ARPC5: variants seen among roughly 807,000 people sequenced by gnomAD.
The protein encoded by ARPC5 is actin-related protein 2/3 complex subunit 5.
A neutral mutation model predicts 15.4 loss-of-function variants in ARPC5; 5 were observed. The observed-to-expected ratio is 0.32, with a 90% CI of 0.17 to 0.68. The LOEUF (loss-of-function observed/expected upper bound fraction) is 0.68, where lower values mean the gene tolerates loss of function less well. ARPC5 is among the 30% of genes least tolerant of loss of function. The pLI, the probability that ARPC5 is intolerant of heterozygous loss-of-function variation, is 0.71. For synonymous variants in ARPC5, 85 were observed against 72.2 expected, an observed-to-expected ratio of 1.18 and a Z score of -0.90; for missense variants, 138 against 192.8, an observed-to-expected ratio of 0.72 and a Z score of 1.68.
intron 1 of ARPC5, 60 bp downstream of exon 1, chr1:183,635,457 C>A: frequency 2.0e-6 from 3 of 1,529,818 alleles, no homozygotes; most frequent in Non-Finnish European, 2.6e-6. Context: ...GCTCCCGGGT[C>A]CCAGGAGAAG....
rs572916566 is a variant in ARPC5, at chr1:183,624,840, C to T, written c.*2692G>A. On this transcript the variant is annotated 3_prime_UTR_variant, in exon 4 of 4. Coordinates refer to ENST00000359856, the MANE Select transcript of ARPC5 (RefSeq NM_005717.4). ...ACTTCCCAATTAGGCTGAGAGCAAA[C>T]TGGTGAACAAGATTCAGACCTTATT... 2.6e-5 allele frequency: 4 copies of T among 152,284 alleles called. No individual in the cohort carries two copies. In the East Asian group the frequency reaches 7.7e-4, roughly 29 times the overall value. The allele number at this position is 152,284 out of a possible 1,614,324, so 9.4% of individuals were successfully genotyped here. A position where few individuals can be genotyped will look rare whatever the true frequency, so the allele number is the denominator to read the frequency against.
intron 1 of ARPC5, among the ~76,000 whole-genome samples, chr1:183,634,134 GA>G (rs1649348783): frequency 6.6e-6 from 1 of 152,180 alleles, no homozygotes; most frequent in Non-Finnish European, 1.5e-5. Context: ...ATGTTTTTAG[GA>G]AGCATGTTCA....
chr1:183,633,732 A>G (rs1396742362), intron 1 of ARPC5: 1 of 150,988 alleles, frequency 6.6e-6, no homozygotes, highest in East Asian at 1.9e-4. Flanking sequence ...TGGCAGCTTA[A>G]TTTTTTGCTT....
intron 3 of ARPC5, 92 bp downstream of exon 3, chr1:183,630,368 CA>C (rs1649226567): frequency 9.4e-7 from 1 of 1,059,754 alleles, no homozygotes; most frequent in Non-Finnish European, 1.3e-6. Flanking sequence ...AAATGTACAA[CA>C]AATCAAAATG....
Position 183,623,372 on chromosome 1 carries a change from C to G in ARPC5, c.*4160G>C. On this transcript the variant is annotated 3_prime_UTR_variant, in exon 4 of 4. Transcript: ENST00000359856. ...TGTCCCATGTTGCTTGTGGTTGGAT[C>G]ATCAATGTGGTGAAGTAGCACCACC... The G allele has an allele frequency of 6.5e-7, 1 of 1,534,030 alleles. No homozygotes were observed. The highest frequency in any genetic ancestry group is 8.8e-7 in the Non-Finnish European group (1 of 1,132,102).
intron 1 of ARPC5, 102 bp from the exon 2 acceptor site, chr1:183,633,256 T>C: frequency 1.3e-6 from 1 of 785,002 alleles, no homozygotes; most frequent in Non-Finnish European, 2.0e-6. Context: ...AAAATTACTT[T>C]GGTCACTATG....
At chr1:183,630,679 A>T (rs779485035) in intron 2 of ARPC5, 42 bp from the exon 3 acceptor site, 25 of 1,561,218 alleles carry the variant, frequency 1.6e-5, no homozygotes, top group Non-Finnish European at 2.1e-5. Context: ...ACATATCTGT[A>T]TGAGGAGGGT....
At position 183,630,619 on chromosome 1, in the gene ARPC5, C is replaced by G; in HGVS notation, c.235G>C (p.Val79Leu). The G allele has an allele frequency of 2.5e-6, 4 of 1,613,666 alleles. No homozygotes were observed. The highest frequency in any genetic ancestry group is 3.4e-6 in the Non-Finnish European group (4 of 1,179,840). The change falls in exon 3 of 4, where the codon GTC becomes CTC. Residue 79 changes from valine (V) to leucine (L), a missense_variant. By Grantham distance (32) the Val-to-Leu change is conservative. Around this residue, in one of 3 missense-constraint regions of ARPC5, gnomAD observed 121 missense variants for 153.7 expected, o/e 0.79. Coordinates refer to ENST00000359856, the MANE Select transcript of ARPC5 (RefSeq NM_005717.4). ...QAVKDRAGSI[V>L]LKVLISFKAN... Reference sequence around the variant, plus strand: ...TTAAAAGAGATGAGCACCTTCAAGACAATGCTGCCTGCCCGGTCCTGGTGG... The same window carrying G: ...TTAAAAGAGATGAGCACCTTCAAGAGAATGCTGCCTGCCCGGTCCTGGTGG...
chr1:183,623,985 T>C lies in ARPC5; in HGVS notation c.*3547A>G, dbSNP rs1459393619. On this transcript the variant is annotated 3_prime_UTR_variant, in exon 4 of 4. Transcript: ENST00000359856. ...CTGCAGTGAGCCGAGATTGTGCCATTGCACTCCAGCCTGAGCAACAGAGCA... is the reference window on the plus strand; with the variant it reads ...CTGCAGTGAGCCGAGATTGTGCCATCGCACTCCAGCCTGAGCAACAGAGCA... 1 of 168,198 alleles carries C rather than the reference T, an allele frequency of 5.9e-6. No individual in the cohort carries two copies. The allele number at this position is 168,198 out of a possible 1,614,324, so 10.4% of individuals were successfully genotyped here. A position where few individuals can be genotyped will look rare whatever the true frequency, so the allele number is the denominator to read the frequency against.
chr1:183,633,017 C>T, intron 2 of ARPC5, 65 bp downstream of exon 2: 1 of 1,230,142 alleles, frequency 8.1e-7, no homozygotes, highest in Non-Finnish European at 1.1e-6. Flanking sequence ...TTTTTTGCAA[C>T]TGCAGAGGAT....
At chr1:183,630,383 AT>A in intron 3 of ARPC5, 77 bp downstream of exon 3, 1 of 1,163,592 alleles carries the variant, frequency 8.6e-7, no homozygotes. Flanking sequence ...CAAAATGGTT[AT>A]TTAGGTGAGA....
intron 1 of ARPC5, 104 bp from the exon 2 acceptor site, chr1:183,633,258 G>A (rs1009719386): frequency 2.6e-6 from 2 of 777,906 alleles, no homozygotes; most frequent in Admixed American, 3.0e-5. Context: ...AATTACTTTG[G>A]TCACTATGTT....
rs1648951960 is a variant in ARPC5 at position 183,621,987 on chromosome 1, A to G, written c.*5545T>C. On this transcript the variant is annotated 3_prime_UTR_variant, in exon 4 of 4. Transcript: ENST00000359856. ...TTTACCCAGCTTCTATTCAAGAAGGAATTGCTCTGGTTCAAATGCCTCTGA... is the reference window on the plus strand; with the variant it reads ...TTTACCCAGCTTCTATTCAAGAAGGGATTGCTCTGGTTCAAATGCCTCTGA... 1 of 152,220 alleles carries G rather than the reference A, an allele frequency of 6.6e-6. No homozygotes were observed. The highest frequency in any genetic ancestry group is 2.1e-4 in the South Asian group (1 of 4,840). 9.4% of individuals were successfully genotyped at this position (152,220 alleles called of 1,614,324 possible). A position where few individuals can be genotyped will look rare whatever the true frequency, so the allele number is the denominator to read the frequency against.
Position 183,623,612 on chromosome 1 carries a change from A to T in ARPC5, c.*3920T>A. ...TGTTTAAGGGCACTTGGTTCTACAGAGGCCGTTGGTCTGTTCCTTAATTGG... is the reference window on the plus strand; with the variant it reads ...TGTTTAAGGGCACTTGGTTCTACAGTGGCCGTTGGTCTGTTCCTTAATTGG... On this transcript the variant is annotated 3_prime_UTR_variant, in exon 4 of 4. Coordinates refer to ENST00000359856, the MANE Select transcript of ARPC5 (RefSeq NM_005717.4). 8.5e-7 allele frequency: 1 copy of T among 1,180,738 alleles called. No individual in the cohort carries two copies. The highest frequency in any genetic ancestry group is 1.3e-5 in the South Asian group (1 of 74,492). The allele number at this position is 1,180,738 out of a possible 1,614,324, so 73.1% of individuals were successfully genotyped here.
chr1:183,623,203 T>A lies in ARPC5; in HGVS notation c.*4329A>T, dbSNP rs1648985838. The A allele has an allele frequency of 1.8e-6, 1 of 562,782 alleles. No individual in the cohort carries two copies. Among genetic ancestry groups the A allele is most frequent in the Non-Finnish European group, 3.2e-6 (1 of 314,884 alleles). 34.9% of individuals were successfully genotyped at this position (562,782 alleles called of 1,614,324 possible). ...TTCAGGTGGGTCATACACTACTCAA[T>A]TTGTGTTTCATGTGGTGTGGATTCT... On this transcript the variant is annotated 3_prime_UTR_variant, in exon 4 of 4. Coordinates refer to ENST00000359856, the MANE Select transcript of ARPC5 (RefSeq NM_005717.4).
chr1:183,635,738 C>T lies in ARPC5; in HGVS notation c.-79G>A, dbSNP rs1359750750. 1.3e-6 allele frequency: 2 copies of T among 1,540,444 alleles called. No individual in the cohort carries two copies. Among genetic ancestry groups the T allele is most frequent in the South Asian group, 1.2e-5 (1 of 80,336 alleles). ...AAGCCCAGCCCAGCAACCCACTACC[C>T]GGCGCCTGATTCACTTCCCTCTTCC... On this transcript the variant is annotated 5_prime_UTR_variant, in exon 1 of 4. Coordinates refer to ENST00000359856, the MANE Select transcript of ARPC5 (RefSeq NM_005717.4).
At position 183,635,738 on chromosome 1, in the gene ARPC5, C is replaced by G. The variant is rs1359750750; in HGVS notation, c.-79G>C. ...AAGCCCAGCCCAGCAACCCACTACC[C>G]GGCGCCTGATTCACTTCCCTCTTCC... On this transcript the variant is annotated 5_prime_UTR_variant, in exon 1 of 4. Transcript: ENST00000359856. The G allele has an allele frequency of 6.5e-7, 1 of 1,540,442 alleles. No homozygotes were observed. Among genetic ancestry groups the G allele is most frequent in the Non-Finnish European group, 8.8e-7 (1 of 1,140,610 alleles).
intron 1 of ARPC5, 139 bp downstream of exon 1, chr1:183,635,378 T>C: frequency 9.6e-7 from 1 of 1,045,254 alleles, no homozygotes; most frequent in Middle Eastern, 2.9e-4. Context: ...GAGCGGGCGA[T>C]CCCAAAGAGA....
In ARPC5 at chr1:183,630,445, A is replaced by T. The variant is rs759587551; in HGVS notation, c.393+16T>A. On this transcript the variant is annotated intron_variant, in intron 3 of 3. Coordinates refer to ENST00000359856, the MANE Select transcript of ARPC5 (RefSeq NM_005717.4). ...GTAAAAGAACCAGTCATATAGATTT[A>T]TAATTCATAACTTACCTTTTCATGC... The T allele has an allele frequency of 5.8e-5, 91 of 1,576,314 alleles. No individual in the cohort carries two copies. Among genetic ancestry groups the T allele is most frequent in the Non-Finnish European group, 7.5e-5 (87 of 1,159,146 alleles).
Sources: gnomAD v4.1 joint callset for allele counts (sites outside exome capture counted in the v4.1 genomes callset) on GRCh38, gnomAD v4.1.1 for gene constraint, gnomAD v4.1.1 regional missense constraint, MANE v1.5 for transcripts, NCBI Gene and HGNC (gene_info 2026-07-23, HGNC 2026-07-21) for gene names.